TMEM266: variants seen among roughly 807,000 people sequenced by gnomAD.
TMEM266 encodes Hv1 related protein 1.
TMEM266 carries 33 observed loss-of-function variants against 50.5 expected under a neutral mutation model. The observed-to-expected ratio is 0.65, with a 90% CI of 0.50 to 0.87. The LOEUF (loss-of-function observed/expected upper bound fraction) is 0.87. Among genes scored for constraint, TMEM266 ranks in the 40% least tolerant of loss-of-function variants. The pLI is 0.00. For synonymous variants in TMEM266, 310 were observed against 292.3 expected, an observed-to-expected ratio of 1.06 and a Z score of -0.62; for missense variants, 655 against 695.1, an observed-to-expected ratio of 0.94 and a Z score of 0.65.
intron 5 of TMEM266, 79 bp from the exon 6 acceptor site, chr15:76,169,737 C>T (rs2038158206): frequency 6.8e-7 from 1 of 1,478,120 alleles, no homozygotes; most frequent in Non-Finnish European, 9.4e-7. Context: ...AGAAGCAGAG[C>T]TCTGAGTGCT....
Position 76,160,912 on chromosome 15 carries a change from C to T in TMEM266, c.456+744C>T, listed in dbSNP as rs16967932. ...AGCACATTCCTCTGTTTTTTCATGGCGGTGAGTGACACTTCCTTTGAGCAG... is the reference window on the plus strand; with the variant it reads ...AGCACATTCCTCTGTTTTTTCATGGTGGTGAGTGACACTTCCTTTGAGCAG... On this transcript the variant is annotated intron_variant, in intron 5 of 10. Coordinates refer to ENST00000388942, the MANE Select transcript of TMEM266 (RefSeq NM_152335.3). This position sits in a 1 kb window ranked among gnomAD's most constrained non-coding sequence, Gnocchi z 5.7. Among the ~76,000 whole-genome samples, 316 of 152,232 alleles carry T rather than the reference C, an allele frequency of 2.1e-3. 3 individuals carry two copies. Among genetic ancestry groups the T allele is most frequent in the African/African-American group, 7.2e-3 (300 of 41,528 alleles).
chr15:76,152,415 G>T (rs28455920), intron 3 of TMEM266, among the ~76,000 whole-genome samples: 3 of 152,162 alleles, frequency 2.0e-5, no homozygotes, highest in African/African-American at 7.2e-5. Context: ...CAGCTGCCTC[G>T]GGTTTCTTGG....
chr15:76,125,650 C>T (rs1188378291), intron 1 of TMEM266, among the ~76,000 whole-genome samples: 9 of 151,942 alleles, frequency 5.9e-5, no homozygotes, highest in African/African-American at 1.5e-4. Context: ...GAGTTCAAGA[C>T]GAGCCTGGCC....
intron 1 of TMEM266, among the ~76,000 whole-genome samples, chr15:76,100,974 C>G (rs993057702): frequency 6.6e-6 from 1 of 150,652 alleles, no homozygotes; most frequent in Admixed American, 6.6e-5. Context: ...ATCATCAAAG[C>G]AATATGTGTT....
intron 1 of TMEM266, among the ~76,000 whole-genome samples, chr15:76,121,989 G>C (rs895056143): frequency 6.6e-6 from 1 of 152,224 alleles, no homozygotes; most frequent in African/African-American, 2.4e-5. Flanking sequence ...ATGCTAATAA[G>C]TGACTGAAGA....
Position 76,170,982 on chromosome 15 carries a change from T to A in TMEM266, c.514-11T>A, listed in dbSNP as rs780414880. On this transcript the variant is annotated splice_polypyrimidine_tract_variant and intron_variant, in intron 6 of 10. Transcript: ENST00000388942. ...AGGGCCCAGGGCACTGAAATGGGCC[T>A]CCTCTCACAGGTGTTTGACGGGGCT... The A allele has an allele frequency of 3.1e-6, 5 of 1,609,564 alleles. No homozygotes were observed. The highest frequency in any genetic ancestry group is 8.5e-7 in the Non-Finnish European group (1 of 1,178,090).
At chr15:76,067,564 C>A (rs1414199026) in intron 1 of TMEM266, among the ~76,000 whole-genome samples, 1 of 142,224 alleles carries the variant, frequency 7.0e-6, no homozygotes. Context: ...ACCCTGGAGG[C>A]GGAGGTTGCA....
At chr15:76,067,949 ACCATAAAG>A (rs2036464414) in intron 1 of TMEM266, among the ~76,000 whole-genome samples, 1 of 152,152 alleles carries the variant, frequency 6.6e-6, no homozygotes, top group Non-Finnish European at 1.5e-5. Context: ...CCTGCTTCTG[ACCATAAAG>A]CCACTCTAAG....
At position 76,081,535 on chromosome 15, in the gene TMEM266, A is replaced by G. The variant is rs543908404; in HGVS notation, c.-97+21519A>G. Reference sequence around the variant, plus strand: ...ATCTAAAGCCAATAAGAAGGGAACCAAATGAATAGGCTTCCAAGTTGCCCT... The same window carrying G: ...ATCTAAAGCCAATAAGAAGGGAACCGAATGAATAGGCTTCCAAGTTGCCCT... On this transcript the variant is annotated intron_variant, in intron 1 of 10. Transcript: ENST00000388942. Among the ~76,000 whole-genome samples, 3 of 152,352 alleles carry G rather than the reference A, an allele frequency of 2.0e-5. No homozygotes were observed. In the East Asian group the frequency reaches 5.8e-4, roughly 29 times the overall value.
intron 1 of TMEM266, among the ~76,000 whole-genome samples, chr15:76,110,813 AAGTG>A (rs1176982108): frequency 6.6e-6 from 1 of 152,252 alleles, no homozygotes; most frequent in Non-Finnish European, 1.5e-5. Context: ...TCCAATCAAA[AAGTG>A]AGCAAAAAAT....
chr15:76,120,088 T>C (rs1485075763), intron 1 of TMEM266, among the ~76,000 whole-genome samples: 1 of 152,180 alleles, frequency 6.6e-6, no homozygotes, highest in Admixed American at 6.5e-5. Context: ...ACTATTAAAA[T>C]TTAAAATACA....
chr15:76,090,671 G>C (rs1454225647), intron 1 of TMEM266, among the ~76,000 whole-genome samples: 2 of 151,988 alleles, frequency 1.3e-5, no homozygotes, highest in Non-Finnish European at 2.9e-5. Flanking sequence ...AAATGGGTAG[G>C]GTTAAAAGTG....
rs369600699 is a variant in TMEM266 at position 76,194,653 on chromosome 15, G to A, written c.958+2496G>A. Reference sequence around the variant, plus strand: ...GGCTGGGAGTGAGAATCTGTCCCACGCCTCCCTCTGGCTCCTGGTGGCGGC... The same window carrying A: ...GGCTGGGAGTGAGAATCTGTCCCACACCTCCCTCTGGCTCCTGGTGGCGGC... On this transcript the variant is annotated intron_variant, in intron 9 of 10. Transcript: ENST00000388942. 1.1e-3 allele frequency among the ~76,000 whole-genome samples: 164 copies of A among 152,264 alleles called. 1 individual carries two copies. The highest frequency in any genetic ancestry group is 3.9e-3 in the African/African-American group (160 of 41,554).
In TMEM266 at chr15:76,168,421, G is replaced by A. The variant is rs1170626822; in HGVS notation, c.457-1395G>A. The stretch of plus-strand genomic sequence containing the variant: ...GGGTGATGATCCTCCAGGCAGCTTC[G>A]CAGAGTTCAGAAGGCTAGGCTTGTA... On this transcript the variant is annotated intron_variant, in intron 5 of 10. Coordinates refer to ENST00000388942, the MANE Select transcript of TMEM266 (RefSeq NM_152335.3). This position sits in a 1 kb window ranked among gnomAD's most constrained non-coding sequence, Gnocchi z 4.4. Among the ~76,000 whole-genome samples, 3 of 152,202 alleles carry A rather than the reference G, an allele frequency of 2.0e-5. No homozygotes were observed. Among genetic ancestry groups the A allele is most frequent in the Admixed American group, 6.5e-5 (1 of 15,280 alleles).
At chr15:76,118,593 T>C (rs1018466437) in intron 1 of TMEM266, among the ~76,000 whole-genome samples, 3 of 152,178 alleles carry the variant, frequency 2.0e-5, no homozygotes, top group African/African-American at 4.8e-5. Flanking sequence ...GGGCAAGGGT[T>C]GCCTTATACT....
intron 6 of TMEM266, among the ~76,000 whole-genome samples, chr15:76,170,263 G>A (rs1292516982): frequency 6.6e-6 from 1 of 152,220 alleles, no homozygotes; most frequent in Non-Finnish European, 1.5e-5. Flanking sequence ...ACGGGTGGGT[G>A]TGGTGGGTGG....
intron 1 of TMEM266, among the ~76,000 whole-genome samples, chr15:76,077,390 C>G (rs1042890800): frequency 6.6e-6 from 1 of 152,028 alleles, no homozygotes; most frequent in Non-Finnish European, 1.5e-5. Context: ...GAAGACATAT[C>G]AACACGGATA....
At chr15:76,186,735 G>A (rs867712575) in intron 8 of TMEM266, among the ~76,000 whole-genome samples, 10 of 152,176 alleles carry the variant, frequency 6.6e-5, no homozygotes, top group Non-Finnish European at 1.5e-4. Context: ...CATCCAATCT[G>A]TTCTCCATTC....
At chr15:76,079,700 G>A (rs1210371764) in intron 1 of TMEM266, among the ~76,000 whole-genome samples, 2 of 149,166 alleles carry the variant, frequency 1.3e-5, no homozygotes, top group Admixed American at 6.7e-5. Context: ...AGTGAAACCG[G>A]GAGGCAGAGC....
Sources: gnomAD v4.1 joint callset for allele counts (sites outside exome capture counted in the v4.1 genomes callset) on GRCh38, gnomAD v4.1.1 for gene constraint, Gnocchi (gnomAD v3.1) non-coding constraint, MANE v1.5 for transcripts, NCBI Gene and HGNC (gene_info 2026-07-23, HGNC 2026-07-21) for gene names.